The following SHANK2 variants were observed in gnomAD, a reference collection of about 807,000 sequenced individuals.
SHANK2 encodes the protein SH3 and multiple ankyrin repeat domains protein 2.
Under a neutral mutation model 133.7 loss-of-function variants are expected in SHANK2, and 43 were observed. The ratio of observed to expected loss-of-function variants is 0.32; its 90% confidence interval spans 0.25 to 0.41. The LOEUF (loss-of-function observed/expected upper bound fraction) is 0.41, where lower values mean the gene tolerates loss of function less well. SHANK2 is among the 10% of genes least tolerant of loss of function. SHANK2 has a pLI of 1.00. For missense variants in SHANK2, 1,994 were observed against 2,235.8 expected (o/e 0.89, Z 2.18); for synonymous variants, 1,017 against 952.8 (o/e 1.07, Z -1.24).
chr11:70,716,224 G>A (rs931264475), intron 14 of SHANK2, among the ~76,000 whole-genome samples: 8 of 152,086 alleles, frequency 5.3e-5, no homozygotes, highest in Admixed American at 5.2e-4. Flanking sequence ...AACACCCCAA[G>A]CATCTCCTGG....
rs1555106908 is a variant in SHANK2, at chr11:71,147,279, G to T, written c.48C>A (p.Phe16Leu). ...TSSEDEMAQS[F>L]SDYSVGSESD... ...ACTCCGACCCCACGGAGTAGTCGGA[G>T]AAGCTCTGGGCCATCTCGTCCTCGC... The change falls in exon 3 of 26, where the codon TTC (phenylalanine) becomes TTA (leucine). Residue 16 changes from phenylalanine to leucine, a missense_variant. By Grantham distance (22) the Phe-to-Leu change is conservative (BLOSUM62 0). Transcript: ENST00000601538. 3 of 1,551,080 alleles carry T rather than the reference G, an allele frequency of 1.9e-6. No individual in the cohort carries two copies. In the South Asian group the frequency reaches 3.6e-5, roughly 18 times the overall value.
At chr11:71,246,312 G>A (rs375523945) in intron 1 of SHANK2, among the ~76,000 whole-genome samples, 150 of 152,124 alleles carry the variant, frequency 9.9e-4, no homozygotes, top group African/African-American at 3.5e-3. Flanking sequence ...CACCCCCACC[G>A]AGGACTCTAG....
chr11:71,155,472 C>T (rs1357477034), intron 2 of SHANK2, among the ~76,000 whole-genome samples: 2 of 151,452 alleles, frequency 1.3e-5, no homozygotes, highest in African/African-American at 2.4e-5. Context: ...CCCCTGCCCA[C>T]GCTCCCAGAG....
chr11:71,194,805 C>A (rs1555115956), intron 2 of SHANK2, among the ~76,000 whole-genome samples: 1 of 152,194 alleles, frequency 6.6e-6, no homozygotes, highest in Non-Finnish European at 1.5e-5. Context: ...CAGGACCCAG[C>A]CCTCTGCAAA....
At chr11:70,673,064 G>C (rs949588154) in intron 15 of SHANK2, among the ~76,000 whole-genome samples, 1 of 152,230 alleles carries the variant, frequency 6.6e-6, no homozygotes, top group African/African-American at 2.4e-5. Context: ...TTTGATGCAG[G>C]CTGGGTGTCC....
At chr11:70,726,889 T>C (rs1328550258) in intron 14 of SHANK2, among the ~76,000 whole-genome samples, 8 of 152,244 alleles carry the variant, frequency 5.3e-5, no homozygotes, top group Non-Finnish European at 1.2e-4. Context: ...TCAGTAAGCC[T>C]GGGCTAGCCC....
chr11:71,140,030 C>A (rs1351001031), intron 3 of SHANK2, among the ~76,000 whole-genome samples: 3 of 152,184 alleles, frequency 2.0e-5, no homozygotes, highest in Admixed American at 2.0e-4. Flanking sequence ...CAGACTCACT[C>A]GGCAGCTCCT....
At chr11:70,703,600 C>T (rs924383479) in intron 14 of SHANK2, among the ~76,000 whole-genome samples, 6 of 152,168 alleles carry the variant, frequency 3.9e-5, no homozygotes, top group African/African-American at 1.4e-4. Flanking sequence ...CCCTGGATCT[C>T]ACTGGTGAAA....
intron 17 of SHANK2, among the ~76,000 whole-genome samples, chr11:70,575,518 C>CAAAAAAAAAAAAAAAAAA (rs71049923): frequency 1.4e-5 from 2 of 139,606 alleles, no homozygotes; most frequent in African/African-American, 5.6e-5. Flanking sequence ...GACTCTGCCT[C>CAAAAAAAAAAAAAAAAAA]AAAAAAAAAA....
intron 1 of SHANK2, among the ~76,000 whole-genome samples, chr11:71,241,162 C>G (rs1035178232): frequency 6.6e-6 from 1 of 152,152 alleles, no homozygotes; most frequent in African/African-American, 2.4e-5. Context: ...AGGAGGTACC[C>G]GGGGAAGCCC....
At chr11:71,237,025 G>C (rs907726310) in intron 1 of SHANK2, among the ~76,000 whole-genome samples, 1 of 152,202 alleles carries the variant, frequency 6.6e-6, no homozygotes, top group Non-Finnish European at 1.5e-5. Context: ...CATACCTCCT[G>C]GATCTAGCAT....
rs144520620 is a variant in SHANK2 at position 70,796,780 on chromosome 11, C to T, written c.1777+1663G>A. ...GCAACAGGATGCCTGAGGTCAGAAGCTCCCCCTGGTGACCAAAAAGGCTAA... is the reference window on the plus strand; with the variant it reads ...GCAACAGGATGCCTGAGGTCAGAAGTTCCCCCTGGTGACCAAAAAGGCTAA... On this transcript the variant is annotated intron_variant, in intron 14 of 25. Transcript: ENST00000601538. Among the ~76,000 whole-genome samples, 226 of 152,302 alleles carry T rather than the reference C, an allele frequency of 1.5e-3. 4 individuals are homozygous for T. The highest frequency in any genetic ancestry group is 5.2e-3 in the African/African-American group (215 of 41,568).
chr11:70,694,453 C>T (rs898958949), intron 15 of SHANK2, among the ~76,000 whole-genome samples: 1 of 152,240 alleles, frequency 6.6e-6, no homozygotes, highest in Non-Finnish European at 1.5e-5. Flanking sequence ...TCTCACTTCC[C>T]ATGGCATTTT....
chr11:70,628,718 G>A (rs1175370571), intron 17 of SHANK2, among the ~76,000 whole-genome samples: 1 of 152,178 alleles, frequency 6.6e-6, no homozygotes, highest in Non-Finnish European at 1.5e-5. Context: ...CATACAGCAG[G>A]CTGTTAGCAC....
chr11:70,607,383 C>T (rs1225764664), intron 17 of SHANK2, among the ~76,000 whole-genome samples: 4 of 152,166 alleles, frequency 2.6e-5, no homozygotes, highest in Non-Finnish European at 4.4e-5. Flanking sequence ...GTGCCTGCCC[C>T]ACACCCAGCT....
chr11:71,142,525 A>C (rs111286889), intron 3 of SHANK2, among the ~76,000 whole-genome samples: 7,035 of 152,198 alleles, frequency 0.046, 251 homozygotes, highest in Non-Finnish European at 0.067. Context: ...AACAAACAAA[A>C]AAAAATGGCA....
intron 2 of SHANK2, among the ~76,000 whole-genome samples, chr11:71,204,772 A>G (rs1954094231): frequency 6.6e-6 from 1 of 152,110 alleles, no homozygotes; most frequent in African/African-American, 2.4e-5. Flanking sequence ...GATGAGGGCC[A>G]CCCTGGAGCC....
intron 14 of SHANK2, among the ~76,000 whole-genome samples, chr11:70,751,938 T>C (rs1555037505): frequency 6.6e-6 from 1 of 151,694 alleles, no homozygotes; most frequent in Non-Finnish European, 1.5e-5. Flanking sequence ...ATCCAAAAAT[T>C]ATCGGGAAAG....
intron 24 of SHANK2, 171 bp downstream of exon 24, chr11:70,489,157 A>T: frequency 1.5e-6 from 1 of 670,486 alleles, no homozygotes; most frequent in Admixed American, 2.3e-5. Context: ...TTGTGGGAGG[A>T]CATTTTGGCA....
Sources: allele counts gnomAD v4.1 joint callset (sites outside exome capture counted in the v4.1 genomes callset), GRCh38; gene constraint gnomAD v4.1.1; transcripts MANE v1.5; gene names NCBI Gene and HGNC (gene_info 2026-07-23, HGNC 2026-07-21).